PLXDC2: variants seen among roughly 807,000 people sequenced by gnomAD.
The protein encoded by PLXDC2 is plexin domain containing 2, also known as plexin domain-containing protein 2.
In PLXDC2, 40 loss-of-function variants were observed where a neutral mutation model predicts 68.9. That is an observed-to-expected ratio of 0.58 (90% CI 0.45 to 0.76). The LOEUF (loss-of-function observed/expected upper bound fraction) is 0.76. Among genes scored for constraint, PLXDC2 ranks in the 30% least tolerant of loss-of-function variants. The pLI is 0.00. For missense variants in PLXDC2, 644 were observed against 661.9 expected, an observed-to-expected ratio of 0.97 and a Z score of 0.30; for synonymous variants, 243 against 234.2, an observed-to-expected ratio of 1.04 and a Z score of -0.34.
Position 19,985,891 on chromosome 10 carries a change from C to T in PLXDC2, c.113-15884C>T, listed in dbSNP as rs531067161. Among the ~76,000 whole-genome samples, 34 of 152,278 alleles carry T rather than the reference C, an allele frequency of 2.2e-4. No individual in the cohort carries two copies. In the East Asian group the frequency reaches 5.0e-3, roughly 23 times the overall value. ...GCTTTCTGCAAGGCCCTGGGGGATA[C>T]GGTTTCTTCTCACCTTCCCTCCTTG... On this transcript the variant is annotated intron_variant, in intron 1 of 13. Coordinates refer to ENST00000377252, the MANE Select transcript of PLXDC2 (RefSeq NM_032812.9).
intron 1 of PLXDC2, among the ~76,000 whole-genome samples, chr10:19,962,502 C>T (rs1473282272): frequency 6.7e-6 from 1 of 148,380 alleles, no homozygotes; most frequent in East Asian, 2.0e-4. Context: ...GCCATTCTCC[C>T]GCCTCAGCCT....
chr10:20,253,542 T>G (rs943785151), intron 13 of PLXDC2, among the ~76,000 whole-genome samples: 24 of 152,134 alleles, frequency 1.6e-4, no homozygotes, highest in African/African-American at 5.1e-4. Flanking sequence ...TAAATTCTTA[T>G]TATTTCCAGG....
At chr10:20,146,874 G>A (rs527992673) in intron 5 of PLXDC2, among the ~76,000 whole-genome samples, 92 of 152,074 alleles carry the variant, frequency 6.0e-4, no homozygotes, top group African/African-American at 2.1e-3. Flanking sequence ...ATTTATTACT[G>A]GGAGATAAGA....
intron 2 of PLXDC2, among the ~76,000 whole-genome samples, chr10:20,010,872 A>G (rs1835100876): frequency 6.6e-6 from 1 of 152,172 alleles, no homozygotes; most frequent in South Asian, 2.1e-4. Flanking sequence ...GGACTTTAAT[A>G]TATCCTTACT....
Position 19,990,079 on chromosome 10 carries a change from C to T in PLXDC2, c.113-11696C>T, listed in dbSNP as rs543695315. Among the ~76,000 whole-genome samples, 3 of 152,116 alleles carry T rather than the reference C, an allele frequency of 2.0e-5. No homozygotes were observed. The South Asian group carries it at 6.2e-4, about 32-fold the overall frequency. ...TTTAATTAGAATGAGGTCATGCTTA[C>T]TTTACCACCAGGATTTTTTTTTTAT... On this transcript the variant is annotated intron_variant, in intron 1 of 13. Coordinates refer to ENST00000377252, the MANE Select transcript of PLXDC2 (RefSeq NM_032812.9).
intron 9 of PLXDC2, among the ~76,000 whole-genome samples, chr10:20,180,559 A>AT (rs577820505): frequency 5.7e-4 from 87 of 152,048 alleles, no homozygotes; most frequent in South Asian, 1.9e-3. Context: ...TGCCCCTCTG[A>AT]TTTTTTTCTC....
intron 4 of PLXDC2, among the ~76,000 whole-genome samples, chr10:20,086,362 A>T (rs56175903): frequency 3.4e-5 from 5 of 147,520 alleles, no homozygotes; most frequent in Non-Finnish European, 6.0e-5. Context: ...TTATTTTTTA[A>T]TTTTTTTTTT....
At chr10:20,070,582 G>C (rs775312720) in intron 4 of PLXDC2, among the ~76,000 whole-genome samples, 3 of 152,152 alleles carry the variant, frequency 2.0e-5, no homozygotes, top group African/African-American at 7.2e-5. Flanking sequence ...AAATGAAAAG[G>C]GAAGAGGAAA....
At chr10:19,883,376 G>A (rs1295917475) in intron 1 of PLXDC2, among the ~76,000 whole-genome samples, 4 of 152,162 alleles carry the variant, frequency 2.6e-5, no homozygotes, top group Admixed American at 6.5e-5. Flanking sequence ...GGCCATGATA[G>A]TTGCCATCAA....
intron 3 of PLXDC2, among the ~76,000 whole-genome samples, chr10:20,063,345 C>T (rs1836138715): frequency 1.3e-5 from 2 of 152,026 alleles, no homozygotes; most frequent in Non-Finnish European, 2.9e-5. Context: ...AAAAGTATGG[C>T]TTTATGACGG....
chr10:20,212,139 G>T (rs1376749963), intron 10 of PLXDC2, among the ~76,000 whole-genome samples: 1 of 151,882 alleles, frequency 6.6e-6, no homozygotes, highest in Non-Finnish European at 1.5e-5. Flanking sequence ...CAGGTAAATG[G>T]CTAGGGAATA....
chr10:20,128,436 TA>T (rs1833821394), intron 4 of PLXDC2, among the ~76,000 whole-genome samples: 1 of 152,212 alleles, frequency 6.6e-6, no homozygotes, highest in South Asian at 2.1e-4. Flanking sequence ...GATATACATA[TA>T]CATTGTGAAA....
chr10:20,235,845 A>C (rs1408637278), intron 12 of PLXDC2, among the ~76,000 whole-genome samples: 1 of 152,224 alleles, frequency 6.6e-6, no homozygotes, highest in East Asian at 1.9e-4. Flanking sequence ...AAATTGATAG[A>C]ATAAATGGCA....
intron 4 of PLXDC2, among the ~76,000 whole-genome samples, chr10:20,097,800 A>G (rs550351945): frequency 7.2e-5 from 11 of 152,082 alleles, no homozygotes; most frequent in Non-Finnish European, 1.3e-4. Context: ...AAATGGAAAT[A>G]TAGGAAGAGT....
intron 1 of PLXDC2, among the ~76,000 whole-genome samples, chr10:19,833,729 T>C (rs1439498091): frequency 6.6e-6 from 1 of 152,178 alleles, no homozygotes; most frequent in Admixed American, 6.5e-5. Flanking sequence ...ATAAGTTAAC[T>C]TTTTTTGGAT....
At chr10:20,119,270 C>G (rs531540842) in intron 4 of PLXDC2, among the ~76,000 whole-genome samples, 2 of 152,194 alleles carry the variant, frequency 1.3e-5, no homozygotes, top group Non-Finnish European at 2.9e-5. Flanking sequence ...GTTTATTTCA[C>G]CTGGGTGCAG....
chr10:20,044,265 CTT>C (rs1170701559), intron 2 of PLXDC2, among the ~76,000 whole-genome samples: 14 of 109,000 alleles, frequency 1.3e-4, no homozygotes, highest in South Asian at 2.9e-4. Flanking sequence ...TTCTTTCTTT[CTT>C]TCTTTCTTTC....
rs149130814 is a variant in PLXDC2 at position 20,207,492 on chromosome 10, C to T, written c.1062-4177C>T. Among the ~76,000 whole-genome samples, 849 of 152,164 alleles carry T rather than the reference C, an allele frequency of 5.6e-3. 3 individuals carry two copies. The highest frequency in any genetic ancestry group is 0.014 in the Middle Eastern group (4 of 294). On this transcript the variant is annotated intron_variant, in intron 9 of 13. Coordinates refer to ENST00000377252, the MANE Select transcript of PLXDC2 (RefSeq NM_032812.9). ...TGAAACAGAATAAGTGAAAACAAACCGTGCTTTAAGAACGATCTGTTCCAT... is the reference window on the plus strand; with the variant it reads ...TGAAACAGAATAAGTGAAAACAAACTGTGCTTTAAGAACGATCTGTTCCAT...
rs531583871 is a variant in PLXDC2, at chr10:20,161,374, AC to A, written c.784-3092del. ...TGTGTCTTGTATACATCTGCAGAAG[AC>A]CAGTAGTGTACATTTTCTTGGCTGT... On this transcript the variant is annotated intron_variant, in intron 6 of 13. Transcript: ENST00000377252. Among the ~76,000 whole-genome samples, 49 of 152,128 alleles carry A rather than the reference AC, an allele frequency of 3.2e-4. 1 individual carries two copies. The South Asian group carries it at 8.7e-3, about 27-fold the overall frequency.
Sources: allele counts gnomAD v4.1 joint callset (sites outside exome capture counted in the v4.1 genomes callset), GRCh38; gene constraint gnomAD v4.1.1; transcripts MANE v1.5; gene names NCBI Gene and HGNC (gene_info 2026-07-23, HGNC 2026-07-21).